Variants in HEMK2 observed in about 807,000 individuals in gnomAD.
HEMK2 encodes methyltransferase HEMK2.
chr21:28,601,991 G>C, the HEMK2 span, among the ~76,000 whole-genome samples: 2 of 152,208 alleles, frequency 1.3e-5, no homozygotes. Flanking sequence ...ATTATGCAAT[G>C]CTTCAACCAT....
the HEMK2 span, among the ~76,000 whole-genome samples, chr21:28,613,619 C>CTTTTTTTTTT: frequency 1.6e-3 from 130 of 82,708 alleles, 17 homozygotes; most frequent in African/African-American, 4.3e-3. Flanking sequence ...TCTGCATATT[C>CTTTTTTTTTT]TTTTTTTTTT....
chr21:28,834,060 G>C, the HEMK2 span, among the ~76,000 whole-genome samples: 1 of 152,222 alleles, frequency 6.6e-6, no homozygotes, highest in South Asian at 2.1e-4. Context: ...CGTGGTTTAT[G>C]CTTGCTTCTG....
the HEMK2 span, among the ~76,000 whole-genome samples, chr21:28,609,048 A>G: frequency 6.6e-6 from 1 of 152,250 alleles, no homozygotes; most frequent in South Asian, 2.1e-4. Context: ...TCCTTCCTCT[A>G]CTACCACAGC....
At chr21:28,836,088 C>T in the HEMK2 span, among the ~76,000 whole-genome samples, 1 of 152,156 alleles carries the variant, frequency 6.6e-6, no homozygotes, top group African/African-American at 2.4e-5. Context: ...GGAAAACTTC[C>T]TCAGCCTTGC....
At chr21:28,824,479 G>A in the HEMK2 span, among the ~76,000 whole-genome samples, 166 of 152,262 alleles carry the variant, frequency 1.1e-3, no homozygotes, top group African/African-American at 3.8e-3. Flanking sequence ...AGTTTTTACA[G>A]ATAGCACATA....
the HEMK2 span, among the ~76,000 whole-genome samples, chr21:28,759,093 T>C: frequency 2.6e-5 from 4 of 152,334 alleles, no homozygotes; most frequent in South Asian, 6.2e-4. Flanking sequence ...ATCTGTGCAT[T>C]TGCACAAGGC....
the HEMK2 span, among the ~76,000 whole-genome samples, chr21:28,683,262 T>G: frequency 6.6e-6 from 1 of 152,106 alleles, no homozygotes; most frequent in South Asian, 2.1e-4. Context: ...TGAGGTATAC[T>G]AATAACAGTC....
chr21:28,575,937 CATT>C, the HEMK2 span, among the ~76,000 whole-genome samples: 3 of 152,202 alleles, frequency 2.0e-5, no homozygotes, highest in East Asian at 5.8e-4. Flanking sequence ...TTCCTTTTAT[CATT>C]GAGTGGTACC....
the HEMK2 span, among the ~76,000 whole-genome samples, chr21:28,591,622 T>C: frequency 1.3e-5 from 2 of 152,178 alleles, no homozygotes; most frequent in Admixed American, 1.3e-4. Context: ...TCATGGGAGT[T>C]TGTTGTACAG....
the HEMK2 span, among the ~76,000 whole-genome samples, chr21:28,715,383 A>G: frequency 6.6e-6 from 1 of 151,896 alleles, no homozygotes; most frequent in African/African-American, 2.4e-5. Flanking sequence ...TCTACATTTC[A>G]CTGATGATTA....
At chr21:28,781,903 C>A in the HEMK2 span, among the ~76,000 whole-genome samples, 1 of 152,196 alleles carries the variant, frequency 6.6e-6, no homozygotes, top group Non-Finnish European at 1.5e-5. Flanking sequence ...ACACTGTTAT[C>A]AGGGAGGATA....
chr21:28,874,879 AG>A, the HEMK2 span: 1 of 152,232 alleles, frequency 6.6e-6, no homozygotes, highest in Non-Finnish European at 1.5e-5. Context: ...TTTCCTTCTA[AG>A]CAAAGTCAAC....
chr21:28,687,822 G>T, the HEMK2 span, among the ~76,000 whole-genome samples: 3 of 152,170 alleles, frequency 2.0e-5, no homozygotes, highest in Non-Finnish European at 4.4e-5. Flanking sequence ...CTTCATCACA[G>T]CATAGTTGTC....
the HEMK2 span, among the ~76,000 whole-genome samples, chr21:28,645,192 G>A: frequency 6.6e-6 from 1 of 152,082 alleles, no homozygotes; most frequent in African/African-American, 2.4e-5. Context: ...GCACTGCACT[G>A]TCCTTTTACT....
chr21:28,671,110 G>A, the HEMK2 span: 1 of 152,242 alleles, frequency 6.6e-6, no homozygotes, highest in Non-Finnish European at 1.5e-5. Flanking sequence ...TATGGAACAA[G>A]GAGGGGCAAG....
At chr21:28,641,022 T>C in the HEMK2 span, among the ~76,000 whole-genome samples, 13 of 152,258 alleles carry the variant, frequency 8.5e-5, no homozygotes, top group Admixed American at 6.5e-4. Flanking sequence ...AAAAATTTAC[T>C]GTTAAGAAAA....
chr21:28,865,447 G>A, the HEMK2 span, among the ~76,000 whole-genome samples: 2 of 152,204 alleles, frequency 1.3e-5, no homozygotes, highest in African/African-American at 4.8e-5. Context: ...GATTACAGGC[G>A]TGAGCCACCA....
chr21:28,683,102 T>C, the HEMK2 span, among the ~76,000 whole-genome samples: 3 of 150,496 alleles, frequency 2.0e-5, no homozygotes, highest in African/African-American at 7.3e-5. Context: ...TTCTTTAAAA[T>C]ATTTCTATAT....
the HEMK2 span, among the ~76,000 whole-genome samples, chr21:28,576,568 T>A: frequency 2.6e-5 from 4 of 152,212 alleles, no homozygotes; most frequent in Non-Finnish European, 5.9e-5. Flanking sequence ...AGAATTTTCA[T>A]TTTTATAAAA....
Sources: gnomAD v4.1 joint callset for allele counts (sites outside exome capture counted in the v4.1 genomes callset) on GRCh38, gnomAD v4.1.1 for gene constraint, MANE v1.5 for transcripts, NCBI Gene and HGNC (gene_info 2026-07-23, HGNC 2026-07-21) for gene names.